Variants in ENPP3 observed in about 807,000 individuals in gnomAD.
The protein encoded by ENPP3 is ectonucleotide pyrophosphatase/phosphodiesterase 3, also known as ectonucleotide pyrophosphatase/phosphodiesterase family member 3.
A neutral mutation model predicts 117.8 loss-of-function variants in ENPP3; 104 were observed. That is an observed-to-expected ratio of 0.88 (90% CI 0.75 to 1.04). The LOEUF is 1.04. ENPP3 is among the 50% of genes least tolerant of loss of function. The pLI is 0.00. For synonymous variants in ENPP3, 380 were observed against 349.9 expected (o/e 1.09, Z -0.96); for missense variants, 1,026 against 1,051.9 (o/e 0.98, Z 0.34).
At chr6:131,664,173 A>G (rs1166842764) in intron 6 of ENPP3, among the ~76,000 whole-genome samples, 1 of 152,166 alleles carries the variant, frequency 6.6e-6, no homozygotes, top group Non-Finnish European at 1.5e-5. Context: ...AGCTCTATGC[A>G]TATTATTGCC....
At chr6:131,678,007 A>C in intron 11 of ENPP3, 67 bp downstream of exon 11, 1 of 929,822 alleles carries the variant, frequency 1.1e-6, no homozygotes, top group Non-Finnish European at 1.7e-6. Flanking sequence ...CCACAAAACA[A>C]GATAGTATTC....
At chr6:131,673,714 CAGACAGAA>C (rs1778799861) in intron 7 of ENPP3, among the ~76,000 whole-genome samples, 1 of 151,416 alleles carries the variant, frequency 6.6e-6, no homozygotes, top group South Asian at 2.1e-4. Flanking sequence ...GACAGACAGA[CAGACAGAA>C]AGAAAGAAAG....
At chr6:131,690,748 C>G (rs1410706307) in intron 14 of ENPP3, among the ~76,000 whole-genome samples, 1 of 151,800 alleles carries the variant, frequency 6.6e-6, no homozygotes, top group African/African-American at 2.4e-5. Flanking sequence ...AGCAGAATTT[C>G]TTTACAGTGA....
rs1778942861 is a variant in ENPP3 at position 131,678,958 on chromosome 6, T to TTCCTTCCTTGCTTCCTTGC, written c.1011+1019_1011+1020insCCTTCCTTGCTTCCTTGCT. Among the ~76,000 whole-genome samples the TTCCTTCCTTGCTTCCTTGC allele has an allele frequency of 3.6e-5, 3 of 82,926 alleles. 1 individual carries two copies. The highest frequency in any genetic ancestry group is 2.1e-4 in the African/African-American group (3 of 14,308). The allele number at this position is 82,926 out of a possible 152,430, so 54.4% of individuals were successfully genotyped here. A position where few individuals can be genotyped will look rare whatever the true frequency, so the allele number is the denominator to read the frequency against. On this transcript the variant is annotated intron_variant, in intron 11 of 24. Transcript: ENST00000357639. ...CTTTCTTTCTTTCTTTCTTTCTTTCTTTCCTTCCTTCCTTCCTTCCTTCCT... is the reference window on the plus strand; with the variant it reads ...CTTTCTTTCTTTCTTTCTTTCTTTCTTCCTTCCTTGCTTCCTTGCTTCCTTCCTTCCTTCCTTCCTTCCT...
intron 5 of ENPP3, among the ~76,000 whole-genome samples, chr6:131,655,670 A>G (rs1228359133): frequency 1.3e-5 from 2 of 152,242 alleles, no homozygotes; most frequent in Non-Finnish European, 2.9e-5. Flanking sequence ...AAGAGTCTCA[A>G]CAAACCTAGA....
intron 24 of ENPP3, among the ~76,000 whole-genome samples, chr6:131,744,560 G>A (rs1308139198): frequency 6.6e-6 from 1 of 152,178 alleles, no homozygotes; most frequent in Non-Finnish European, 1.5e-5. Flanking sequence ...TAACAAAGGA[G>A]GAACTTCAGA....
chr6:131,693,392 C>T, intron 14 of ENPP3, 105 bp from the exon 15 acceptor site: 1 of 967,860 alleles, frequency 1.0e-6, no homozygotes. Context: ...AAGCTGAAAT[C>T]CCCTTACTTT....
intron 5 of ENPP3, among the ~76,000 whole-genome samples, chr6:131,653,329 G>A (rs1048625018): frequency 1.1e-4 from 5 of 44,244 alleles, no homozygotes; most frequent in Admixed American, 2.2e-4. Context: ...TTTTTTTTTT[G>A]TACAGATGAG....
intron 14 of ENPP3, among the ~76,000 whole-genome samples, chr6:131,692,854 A>T (rs1302874090): frequency 9.5e-6 from 1 of 105,170 alleles, no homozygotes; most frequent in Non-Finnish European, 1.8e-5. Flanking sequence ...GATATATATG[A>T]TATGTGATAT....
Position 131,693,930 on chromosome 6 carries a change from G to A in ENPP3, c.1412+306G>A, listed in dbSNP as rs559020516. The stretch of plus-strand genomic sequence containing the variant: ...CTGTCCATTAAGGCAGCAGACAGAT[G>A]ATATCAGCTGTCTTTCAGCCTGATA... On this transcript the variant is annotated intron_variant, in intron 15 of 24. Coordinates refer to ENST00000357639, the MANE Select transcript of ENPP3 (RefSeq NM_005021.5). Among the ~76,000 whole-genome samples, 7 of 152,296 alleles carry A rather than the reference G, an allele frequency of 4.6e-5. No homozygotes were observed. In the South Asian group the frequency reaches 1.5e-3, roughly 32 times the overall value.
intron 15 of ENPP3, among the ~76,000 whole-genome samples, chr6:131,716,050 CAGGAG>C (rs1359066669): frequency 6.6e-6 from 1 of 152,182 alleles, no homozygotes; most frequent in Admixed American, 6.5e-5. Flanking sequence ...GATCTGGCAT[CAGGAG>C]AGAAGTCTTA....
intron 24 of ENPP3, among the ~76,000 whole-genome samples, chr6:131,741,334 T>A (rs1780524339): frequency 6.6e-6 from 1 of 152,164 alleles, no homozygotes; most frequent in South Asian, 2.1e-4. Flanking sequence ...ACAACTTCAG[T>A]TTATATATGA....
Position 131,685,399 on chromosome 6 carries a change from A to T in ENPP3, c.1156A>T (p.Met386Leu), listed in dbSNP as rs770129895. ...DQTYCNKMEY[M>L]TDYFPRINFF... is the part of the protein sequence containing the mutation. ...GACTTATTGTAACAAGATGGAATACATGACTGATTATTTTCCCAGAATAAA... is the reference window on the plus strand; with the variant it reads ...GACTTATTGTAACAAGATGGAATACTTGACTGATTATTTTCCCAGAATAAA... Residue 386 changes from methionine to leucine, a missense_variant, in exon 13 of 25, where the codon ATG becomes TTG. Transcript: ENST00000357639. 6.2e-7 allele frequency: 1 copy of T among 1,612,630 alleles called. No homozygotes were observed. The highest frequency in any genetic ancestry group is 1.3e-5 in the African/African-American group (1 of 74,912).
chr6:131,659,680 T>G (rs1778458413), intron 6 of ENPP3, among the ~76,000 whole-genome samples: 3 of 152,178 alleles, frequency 2.0e-5, no homozygotes, highest in Admixed American at 2.0e-4. Context: ...GTGCATTGTT[T>G]CTTCAGCTTC....
chr6:131,656,401 G>C (rs1231810222), intron 5 of ENPP3, among the ~76,000 whole-genome samples: 1 of 152,178 alleles, frequency 6.6e-6, no homozygotes, highest in Non-Finnish European at 1.5e-5. Context: ...TACCTGTCTT[G>C]TTTATGAAAG....
Position 131,720,284 on chromosome 6 carries a change from TGACCTA to T in ENPP3, c.1480-6_1480-1del, listed in dbSNP as rs768804111. On this transcript the variant is annotated splice_acceptor_variant and splice_polypyrimidine_tract_variant and intron_variant, in intron 16 of 24. Coordinates refer to ENST00000357639, the MANE Select transcript of ENPP3 (RefSeq NM_005021.5). LOFTEE classifies it high-confidence loss of function. ...TCTAATAATAATAATCTGACTATTA[TGACCTA>T]GGCTATCTTTCTGGCACATGGACCC... 1 of 1,530,066 alleles carries T rather than the reference TGACCTA, an allele frequency of 6.5e-7. No homozygotes were observed. Among genetic ancestry groups the T allele is most frequent in the Non-Finnish European group, 8.9e-7 (1 of 1,121,002 alleles). 94.8% of individuals were successfully genotyped at this position (1,530,066 alleles called of 1,614,324 possible). A position where few individuals can be genotyped will look rare whatever the true frequency, so the allele number is the denominator to read the frequency against.
chr6:131,708,397 T>C (rs1336367125), intron 15 of ENPP3, among the ~76,000 whole-genome samples: 3 of 151,966 alleles, frequency 2.0e-5, no homozygotes, highest in East Asian at 1.9e-4. Context: ...TTAAAAGTTA[T>C]ATGATCTAGA....
intron 6 of ENPP3, among the ~76,000 whole-genome samples, chr6:131,662,024 G>A (rs1193327715): frequency 2.6e-5 from 4 of 152,126 alleles, no homozygotes; most frequent in Non-Finnish European, 5.9e-5. Context: ...AAGATTTATA[G>A]TTTCAGGTCT....
intron 21 of ENPP3, among the ~76,000 whole-genome samples, chr6:131,735,687 A>G (rs751417644): frequency 5.3e-5 from 8 of 151,140 alleles, no homozygotes; most frequent in Non-Finnish European, 1.2e-4. Flanking sequence ...ATTGTGCACT[A>G]TATGTGTTTC....
Sources: gnomAD v4.1 joint callset for allele counts (sites outside exome capture counted in the v4.1 genomes callset) on GRCh38, gnomAD v4.1.1 for gene constraint, MANE v1.5 for transcripts, NCBI Gene and HGNC (gene_info 2026-07-23, HGNC 2026-07-21) for gene names.